The following WWOX variants were observed in gnomAD, a reference collection of about 807,000 sequenced individuals.
WWOX encodes WW domain-containing oxidoreductase.
Under a neutral mutation model 46.2 loss-of-function variants are expected in WWOX, and 69 were observed. That is an observed-to-expected ratio of 1.49 (90% CI 1.23 to 1.82). WWOX has a LOEUF of 1.82. Ranked by LOEUF, WWOX falls within the 40% of genes most tolerant of loss-of-function variation. The pLI is 0.00. For missense variants in WWOX, 919 were observed against 542.6 expected (o/e 1.69, Z -6.89); for synonymous variants, 359 against 202.6 (o/e 1.77, Z -6.56).
intron 5 of WWOX, among the ~76,000 whole-genome samples, chr16:78,367,945 C>G (rs1002259305): frequency 1.3e-5 from 2 of 151,902 alleles, no homozygotes; most frequent in African/African-American, 4.8e-5. Context: ...TTAGTGGAGA[C>G]GGGATTTCAC....
intron 5 of WWOX, among the ~76,000 whole-genome samples, chr16:78,259,342 T>C (rs1340740146): frequency 2.0e-5 from 3 of 152,236 alleles, no homozygotes; most frequent in Non-Finnish European, 4.4e-5. Flanking sequence ...TATATTTATT[T>C]TTGAGACAGA....
At chr16:78,933,666 C>T (rs1280099628) in intron 8 of WWOX, among the ~76,000 whole-genome samples, 1 of 152,146 alleles carries the variant, frequency 6.6e-6, no homozygotes, top group Admixed American at 6.5e-5. Flanking sequence ...GGGGAGGCCT[C>T]ACAATTACGG....
intron 5 of WWOX, among the ~76,000 whole-genome samples, chr16:78,169,517 T>C (rs1028724786): frequency 1.4e-4 from 22 of 152,002 alleles, no homozygotes; most frequent in African/African-American, 5.1e-4. Flanking sequence ...GCTTATTAGG[T>C]ATCAAAACAT....
chr16:79,082,488 C>T (rs545656365), intron 8 of WWOX, among the ~76,000 whole-genome samples: 1 of 152,310 alleles, frequency 6.6e-6, no homozygotes, highest in African/African-American at 2.4e-5. Context: ...CTTTATAGAC[C>T]TATGGAGATG....
chr16:78,976,835 G>A lies in WWOX; in HGVS notation c.1057-234773G>A, dbSNP rs559061613. ...GTCAGTGTCTTTAATGCCTGGTTCA[G>A]TTGCAAACATGGAGGGCAGAGGTTT... On this transcript the variant is annotated intron_variant, in intron 8 of 8. Coordinates refer to ENST00000566780, the MANE Select transcript of WWOX (RefSeq NM_016373.4). 3.3e-5 allele frequency among the ~76,000 whole-genome samples: 5 copies of A among 152,280 alleles called. No homozygotes were observed. The South Asian group carries it at 1.0e-3, about 32-fold the overall frequency.
At chr16:78,243,537 C>T (rs1020380370) in intron 5 of WWOX, among the ~76,000 whole-genome samples, 17 of 151,654 alleles carry the variant, frequency 1.1e-4, no homozygotes, top group African/African-American at 3.1e-4. Context: ...CCAGTAGGCC[C>T]CAGTGTCTAT....
At chr16:78,831,961 C>G (rs568793685) in intron 8 of WWOX, among the ~76,000 whole-genome samples, 1 of 152,168 alleles carries the variant, frequency 6.6e-6, no homozygotes, top group Non-Finnish European at 1.5e-5. Context: ...CTGTGTTGCT[C>G]TTGTCACTTT....
intron 8 of WWOX, among the ~76,000 whole-genome samples, chr16:78,459,373 G>A (rs546391022): frequency 2.6e-5 from 4 of 152,274 alleles, no homozygotes; most frequent in Non-Finnish European, 5.9e-5. Context: ...ATAAGTAACT[G>A]GATATTTCCG....
At chr16:78,449,369 T>C (rs2083637139) in intron 8 of WWOX, among the ~76,000 whole-genome samples, 1 of 152,202 alleles carries the variant, frequency 6.6e-6, no homozygotes, top group Non-Finnish European at 1.5e-5. Context: ...CTGATCGTTG[T>C]TAAAGGGGAA....
intron 8 of WWOX, among the ~76,000 whole-genome samples, chr16:78,724,922 G>A (rs190693367): frequency 6.6e-6 from 1 of 152,282 alleles, no homozygotes; most frequent in Admixed American, 6.5e-5. Context: ...ACCTAGTAGT[G>A]ATTCCAGGTA....
chr16:78,353,519 T>C (rs1335622109), intron 5 of WWOX, among the ~76,000 whole-genome samples: 1 of 152,204 alleles, frequency 6.6e-6, no homozygotes, highest in Admixed American at 6.5e-5. Context: ...CTCTAGCCAG[T>C]TGGGACAGGA....
In WWOX at chr16:78,631,733, C is replaced by T. The variant is rs536567245; in HGVS notation, c.1056+198981C>T. 3.3e-5 allele frequency among the ~76,000 whole-genome samples: 5 copies of T among 152,086 alleles called. No individual in the cohort carries two copies. In the East Asian group the frequency reaches 5.8e-4, roughly 18 times the overall value. On this transcript the variant is annotated intron_variant, in intron 8 of 8. Transcript: ENST00000566780. ...TAGGGACAGGGTTTCAACATGTTGCCAAGGCTAGTCTCTAACTCCTGGGCT... is the reference window on the plus strand; with the variant it reads ...TAGGGACAGGGTTTCAACATGTTGCTAAGGCTAGTCTCTAACTCCTGGGCT...
chr16:78,486,052 T>C (rs566311451), intron 8 of WWOX, among the ~76,000 whole-genome samples: 2 of 152,212 alleles, frequency 1.3e-5, no homozygotes, highest in African/African-American at 4.8e-5. Flanking sequence ...AAACAAAATT[T>C]CCTTGTGAAT....
At chr16:78,112,701 T>G (rs1363705808) in intron 3 of WWOX, among the ~76,000 whole-genome samples, 1 of 151,546 alleles carries the variant, frequency 6.6e-6, no homozygotes, top group Non-Finnish European at 1.5e-5. Flanking sequence ...CAAGTTTTCT[T>G]TCTTTTTTTT....
chr16:78,158,754 A>T (rs2034686541), intron 4 of WWOX, among the ~76,000 whole-genome samples: 2 of 152,172 alleles, frequency 1.3e-5, no homozygotes, highest in South Asian at 2.1e-4. Flanking sequence ...ATGTACAAAA[A>T]GCCTTACGTA....
chr16:78,855,466 C>G (rs915501154), intron 8 of WWOX, among the ~76,000 whole-genome samples: 11 of 152,162 alleles, frequency 7.2e-5, no homozygotes, highest in Non-Finnish European at 1.5e-4. Context: ...CTATCTTTTG[C>G]TATGTTCACT....
intron 6 of WWOX, among the ~76,000 whole-genome samples, chr16:78,395,348 G>A: frequency 6.6e-6 from 1 of 152,098 alleles, no homozygotes; most frequent in East Asian, 1.9e-4. Flanking sequence ...GCAAAACCTT[G>A]TCTCTACAAA....
chr16:78,850,860 C>G (rs2052425434), intron 8 of WWOX, among the ~76,000 whole-genome samples: 1 of 152,296 alleles, frequency 6.6e-6, no homozygotes, highest in East Asian at 1.9e-4. Context: ...TTGAGTAGAA[C>G]TTGGTGCCAT....
At chr16:78,272,427 G>A (rs911018434) in intron 5 of WWOX, among the ~76,000 whole-genome samples, 1 of 152,196 alleles carries the variant, frequency 6.6e-6, no homozygotes, top group Non-Finnish European at 1.5e-5. Flanking sequence ...AAAGTAACAG[G>A]AAGCTGCCAG....
Sources: allele counts gnomAD v4.1 joint callset (sites outside exome capture counted in the v4.1 genomes callset), GRCh38; gene constraint gnomAD v4.1.1; transcripts MANE v1.5; gene names NCBI Gene and HGNC (gene_info 2026-07-23, HGNC 2026-07-21).